RFTN1: variants seen among roughly 807,000 people sequenced by gnomAD.
The protein encoded by RFTN1 is raftlin, lipid raft linker 1.
A neutral mutation model predicts 46.5 loss-of-function variants in RFTN1; 26 were observed. The ratio of observed to expected loss-of-function variants is 0.56; its 90% CI spans 0.41 to 0.78. The LOEUF is 0.78. Ranked by LOEUF, RFTN1 falls within the 30% of genes least tolerant of loss-of-function variation. The pLI, the probability that RFTN1 is intolerant of heterozygous loss-of-function variation, is 0.00. For synonymous variants in RFTN1, 261 were observed against 284.2 expected (o/e 0.92, Z 0.82); for missense variants, 693 against 718.7 (o/e 0.96, Z 0.41).
chr3:16,482,079 A>G (rs1418823767), intron 2 of RFTN1, among the ~76,000 whole-genome samples: 1 of 152,146 alleles, frequency 6.6e-6, no homozygotes, highest in Non-Finnish European at 1.5e-5. Context: ...TACCTAAGGA[A>G]AGTGGTCACC....
chr3:16,441,582 C>G (rs1352668861), intron 2 of RFTN1, among the ~76,000 whole-genome samples: 1 of 152,218 alleles, frequency 6.6e-6, no homozygotes, highest in Non-Finnish European at 1.5e-5. Context: ...CATACAGCAA[C>G]TGCCCATTTC....
rs945179582 is a variant in RFTN1 at position 16,376,133 on chromosome 3, C to T, written c.826+1585G>A. Among the ~76,000 whole-genome samples, 3 of 152,138 alleles carry T rather than the reference C, an allele frequency of 2.0e-5. No homozygotes were observed. Among genetic ancestry groups the T allele is most frequent in the Non-Finnish European group, 4.4e-5 (3 of 68,026 alleles). ...TAGTAACTGCCTCCTTTCTCAAAGC[C>T]AGGATTCCATGAGAGGTGGAGGTCG... is the stretch of plus-strand genomic sequence containing the variant. On this transcript the variant is annotated intron_variant, in intron 5 of 9. Transcript: ENST00000334133. The surrounding 1 kb of genome is among the most constrained non-coding windows in gnomAD (Gnocchi z 4.7).
chr3:16,425,599 G>T lies in RFTN1; in HGVS notation c.332+8252C>A, dbSNP rs1431039584. On this transcript the variant is annotated intron_variant, in intron 3 of 9. Coordinates refer to ENST00000334133, the MANE Select transcript of RFTN1 (RefSeq NM_015150.2). This position sits in a 1 kb window ranked among gnomAD's most constrained non-coding sequence, Gnocchi z 4.3. ...GTCTCCTTCTTGTTCTCTCCACCGG[G>T]GTAAAGGCCAATGCTTTGGAGGAAG... Among the ~76,000 whole-genome samples the T allele has an allele frequency of 1.3e-5, 2 of 151,964 alleles. No individual in the cohort carries two copies. Among genetic ancestry groups the T allele is most frequent in the Admixed American group, 1.3e-4 (2 of 15,248 alleles).
rs116557745 is a variant in RFTN1, at chr3:16,353,565, C to A, written c.1146+4367G>T. Among the ~76,000 whole-genome samples the A allele has an allele frequency of 4.0e-3, 604 of 152,276 alleles. 3 individuals are homozygous for A. Among genetic ancestry groups the A allele is most frequent in the African/African-American group, 0.014 (589 of 41,540 alleles). The stretch of plus-strand genomic sequence containing the variant: ...TTCTTGGGCCCCATCTCAGAGCCAC[C>A]GTTAAAGACTAAATGTTTTCTATCC... On this transcript the variant is annotated intron_variant, in intron 7 of 9. Transcript: ENST00000334133. This position sits in a 1 kb window ranked among gnomAD's most constrained non-coding sequence, Gnocchi z 5.4.
intron 8 of RFTN1, among the ~76,000 whole-genome samples, chr3:16,324,620 C>CCT (rs1553718092): frequency 7.0e-6 from 1 of 143,002 alleles, no homozygotes; most frequent in African/African-American, 2.6e-5. Context: ...CTGACCCCCC[C>CCT]CCTTTTAAGG....
intron 4 of RFTN1, 77 bp from the exon 5 acceptor site, chr3:16,378,179 C>T (rs1490482924): frequency 3.1e-6 from 4 of 1,300,746 alleles, no homozygotes; most frequent in Non-Finnish European, 4.3e-6. Context: ...GTGCAAAGCG[C>T]CTCCCCGAGG....
chr3:16,469,171 A>G (rs990988011), intron 2 of RFTN1, among the ~76,000 whole-genome samples: 1 of 152,256 alleles, frequency 6.6e-6, no homozygotes, highest in Non-Finnish European at 1.5e-5. Context: ...CTAAGGTTCA[A>G]ATCCTAGCTG....
intron 2 of RFTN1, chr3:16,434,604 G>A (rs1575286057): frequency 6.6e-6 from 1 of 151,544 alleles, no homozygotes; most frequent in African/African-American, 2.4e-5. Flanking sequence ...ATCTAGAGTC[G>A]TCTTATCAGT....
chr3:16,512,830 C>A lies in RFTN1; in HGVS notation c.-9+612G>T, dbSNP rs1347678131. ...CAGTGCTGGGGACTCTCGGCACCCG[C>A]GTCCCTGTGCTTCTGGTGGTTCCGG... On this transcript the variant is annotated intron_variant, in intron 1 of 9. Coordinates refer to ENST00000334133, the MANE Select transcript of RFTN1 (RefSeq NM_015150.2). The surrounding 1 kb of genome is among the most constrained non-coding windows in gnomAD (Gnocchi z 4.3). The A allele has an allele frequency of 6.6e-6, 1 of 152,286 alleles. No individual in the cohort carries two copies. Among genetic ancestry groups the A allele is most frequent in the Non-Finnish European group, 1.5e-5 (1 of 68,096 alleles). The allele number at this position is 152,286 out of a possible 1,614,324, so 9.4% of individuals were successfully genotyped here. A position where few individuals can be genotyped will look rare whatever the true frequency, so the allele number is the denominator to read the frequency against.
At chr3:16,496,114 A>C (rs2076622525) in intron 1 of RFTN1, among the ~76,000 whole-genome samples, 2 of 152,246 alleles carry the variant, frequency 1.3e-5, no homozygotes, top group African/African-American at 4.8e-5. Context: ...GAAATAAGCT[A>C]TTTGCAATAC....
Position 16,383,860 on chromosome 3 carries a change from C to G in RFTN1, c.442-5758G>C, listed in dbSNP as rs1299072149. On this transcript the variant is annotated intron_variant, in intron 4 of 9. Coordinates refer to ENST00000334133, the MANE Select transcript of RFTN1 (RefSeq NM_015150.2). The surrounding 1 kb of genome is among the most constrained non-coding windows in gnomAD (Gnocchi z 4.0). The stretch of plus-strand genomic sequence containing the variant: ...GATAGCATGGGTAAAGAGTCAGAGA[C>G]ACTTCCAAGACTGTTTTGTCTGACT... 6.6e-6 allele frequency among the ~76,000 whole-genome samples: 1 copy of G among 152,194 alleles called. No individual in the cohort carries two copies. The highest frequency in any genetic ancestry group is 1.9e-4 in the East Asian group (1 of 5,196).
In RFTN1 at chr3:16,397,378, C is replaced by T. The variant is rs79894038; in HGVS notation, c.441+11997G>A. Among the ~76,000 whole-genome samples the T allele has an allele frequency of 7.5e-3, 1,137 of 152,108 alleles. 10 individuals carry two copies. The highest frequency in any genetic ancestry group is 0.025 in the African/African-American group (1,056 of 41,478). On this transcript the variant is annotated intron_variant, in intron 4 of 9. Transcript: ENST00000334133. ...ATGGGGAGATGTAGGTCAAAGGGTACGAAATTGAAGATATGCAGGATGAAT... is the reference window on the plus strand; with the variant it reads ...ATGGGGAGATGTAGGTCAAAGGGTATGAAATTGAAGATATGCAGGATGAAT...
chr3:16,406,561 C>A (rs2074862092), intron 4 of RFTN1, among the ~76,000 whole-genome samples: 3 of 152,162 alleles, frequency 2.0e-5, no homozygotes, highest in African/African-American at 7.2e-5. Flanking sequence ...TCCAGTCTGT[C>A]TTCTTATTTA....
At chr3:16,326,668 C>T in intron 8 of RFTN1, 105 bp downstream of exon 8, 2 of 848,004 alleles carry the variant, frequency 2.4e-6, no homozygotes, top group Non-Finnish European at 1.8e-6. Flanking sequence ...CTACCAGCCT[C>T]TTGCACAGGA....
At position 16,468,537 on chromosome 3, in the gene RFTN1, G is replaced by C. The variant is rs1418457120; in HGVS notation, c.145+25188C>G. The stretch of plus-strand genomic sequence containing the variant: ...CCTTTTCATATCTTTGCTATCTTTA[G>C]ATTAGATGCTTAATGCATAAATCAG... On this transcript the variant is annotated intron_variant, in intron 2 of 9. Transcript: ENST00000334133. The surrounding 1 kb of genome is among the most constrained non-coding windows in gnomAD (Gnocchi z 4.4). Among the ~76,000 whole-genome samples, 2 of 150,250 alleles carry C rather than the reference G, an allele frequency of 1.3e-5. No individual in the cohort carries two copies. The highest frequency in any genetic ancestry group is 6.7e-5 in the Admixed American group (1 of 15,024).
intron 4 of RFTN1, among the ~76,000 whole-genome samples, chr3:16,396,301 T>A (rs2074467817): frequency 6.6e-6 from 1 of 152,162 alleles, no homozygotes; most frequent in South Asian, 2.1e-4. Flanking sequence ...AAAAAAATTT[T>A]TTTTAGAAAC....
In RFTN1 at chr3:16,473,986, C is replaced by A. The variant is rs1489766476; in HGVS notation, c.145+19739G>T. Among the ~76,000 whole-genome samples the A allele has an allele frequency of 3.3e-5, 5 of 152,118 alleles. No individual in the cohort carries two copies. The highest frequency in any genetic ancestry group is 2.9e-5 in the Non-Finnish European group (2 of 68,028). On this transcript the variant is annotated intron_variant, in intron 2 of 9. Coordinates refer to ENST00000334133, the MANE Select transcript of RFTN1 (RefSeq NM_015150.2). This position sits in a 1 kb window ranked among gnomAD's most constrained non-coding sequence, Gnocchi z 5.3. ...GCCCACCCAATATGGTGAACAACAG[C>A]CCTTGGAGAGGGATTGATTAGGACA...
rs116413496 is a variant in RFTN1, at chr3:16,361,669, G to C, written c.1031-3622C>G. On this transcript the variant is annotated intron_variant, in intron 6 of 9. Coordinates refer to ENST00000334133, the MANE Select transcript of RFTN1 (RefSeq NM_015150.2). The surrounding 1 kb of genome is among the most constrained non-coding windows in gnomAD (Gnocchi z 4.3). ...AGCAGCAGAATCAGGAGAGAAGGTG[G>C]TTAAGACTAAATTGACTGGTGGGGA... 0.01 allele frequency among the ~76,000 whole-genome samples: 1,580 copies of C among 152,286 alleles called. 33 individuals carry two copies. The highest frequency in any genetic ancestry group is 0.037 in the African/African-American group (1,541 of 41,548).
chr3:16,316,860 C>T lies in RFTN1; in HGVS notation c.1705G>A (p.Val569Ile). ...TCTTCAACCGTACCAAGCTCTCTGACTTCCTCAGCATCCCCGTCCCTGGCA... is the reference window on the plus strand; with the variant it reads ...TCTTCAACCGTACCAAGCTCTCTGATTTCCTCAGCATCCCCGTCCCTGGCA... ...EDARDGDAEE[V>I]RELGTVEEN The change falls in exon 10 of 10, where the codon GTC (valine) becomes ATC (isoleucine). Residue 569 changes from valine (V) to isoleucine (I), a missense_variant. Coordinates refer to ENST00000334133, the MANE Select transcript of RFTN1 (RefSeq NM_015150.2). This position sits in a 1 kb window ranked among gnomAD's most constrained non-coding sequence, Gnocchi z 4.5. 6.2e-7 allele frequency: 1 copy of T among 1,614,196 alleles called. No homozygotes were observed. The highest frequency in any genetic ancestry group is 1.3e-5 in the African/African-American group (1 of 75,054).
Sources: allele counts gnomAD v4.1 joint callset (sites outside exome capture counted in the v4.1 genomes callset), GRCh38; gene constraint gnomAD v4.1.1; non-coding constraint Gnocchi (gnomAD v3.1); transcripts MANE v1.5; gene names NCBI Gene and HGNC (gene_info 2026-07-23, HGNC 2026-07-21).